VPS26B: variants seen among roughly 807,000 people sequenced by gnomAD.
VPS26B encodes the protein VPS26 retromer complex component B, also known as vacuolar protein sorting-associated protein 26B.
In VPS26B, 10 loss-of-function variants were observed where a neutral mutation model predicts 33.3. The ratio of observed to expected loss-of-function variants is 0.30; its 90% CI spans 0.19 to 0.51. The LOEUF (loss-of-function observed/expected upper bound fraction) is 0.51. Ranked by LOEUF, VPS26B falls within the 20% of genes least tolerant of loss-of-function variation. VPS26B has a pLI of 0.98. For missense variants in VPS26B, 317 were observed against 452.7 expected (o/e 0.70, Z 2.72); for synonymous variants, 190 against 176.9 (o/e 1.07, Z -0.59).
intron 1 of VPS26B, 40 bp from the exon 2 acceptor site, chr11:134,234,857 G>A (rs1209867908): frequency 1.2e-6 from 2 of 1,601,934 alleles, no homozygotes; most frequent in Non-Finnish European, 1.7e-6. Context: ...GTAGCTCAGG[G>A]TCTGATAAAG....
intron 3 of VPS26B, among the ~76,000 whole-genome samples, chr11:134,241,442 C>T (rs374316315): frequency 3.9e-5 from 6 of 152,330 alleles, no homozygotes; most frequent in East Asian, 3.9e-4. Context: ...GGCTCTGCCT[C>T]GCCTAAGCCC....
intron 1 of VPS26B, 135 bp downstream of exon 1, chr11:134,225,480 A>T (rs1282082082): frequency 2.3e-6 from 2 of 883,286 alleles, no homozygotes; most frequent in Admixed American, 2.1e-5. Flanking sequence ...GGGTTCAGCT[A>T]CAAGTCCCGC....
rs1324001912 is a variant in VPS26B, at chr11:134,245,886, G to C, written c.*296G>C. On this transcript the variant is annotated 3_prime_UTR_variant, in exon 6 of 6. Transcript: ENST00000281187. This position sits in a 1 kb window ranked among gnomAD's most constrained non-coding sequence, Gnocchi z 4.7. ...CCTCGGGGGGCTGCCTTGCGTCTTAGAGGAGGGAGAGCAGAGAGCACGCAT... is the reference window on the plus strand; with the variant it reads ...CCTCGGGGGGCTGCCTTGCGTCTTACAGGAGGGAGAGCAGAGAGCACGCAT... The C allele has an allele frequency of 5.2e-6, 2 of 385,454 alleles. No individual in the cohort carries two copies. Among genetic ancestry groups the C allele is most frequent in the African/African-American group, 2.0e-5 (1 of 49,756 alleles). 23.9% of individuals were successfully genotyped at this position (385,454 alleles called of 1,614,324 possible). A position where few individuals can be genotyped will look rare whatever the true frequency, so the allele number is the denominator to read the frequency against.
Position 134,240,252 on chromosome 11 carries a change from T to G in VPS26B, c.545+97T>G, listed in dbSNP as rs766985882. 9 of 1,390,168 alleles carry G rather than the reference T, an allele frequency of 6.5e-6. No individual in the cohort carries two copies. The highest frequency in any genetic ancestry group is 9.0e-6 in the Non-Finnish European group (9 of 999,724). 86.1% of individuals were successfully genotyped at this position (1,390,168 alleles called of 1,614,324 possible). ...AACTGATGACCCTCTGTGACTCGACTGCTTTGTGGTGGCATGCGGTGGGGG... is the reference window on the plus strand; with the variant it reads ...AACTGATGACCCTCTGTGACTCGACGGCTTTGTGGTGGCATGCGGTGGGGG... On this transcript the variant is annotated intron_variant, in intron 3 of 5. Coordinates refer to ENST00000281187, the MANE Select transcript of VPS26B (RefSeq NM_052875.5). This position sits in a 1 kb window ranked among gnomAD's most constrained non-coding sequence, Gnocchi z 4.4.
intron 1 of VPS26B, 75 bp downstream of exon 1, chr11:134,225,420 C>A (rs761712816): frequency 6.8e-7 from 1 of 1,463,838 alleles, no homozygotes; most frequent in Middle Eastern, 1.7e-4. Flanking sequence ...GGGCCCAGCT[C>A]CTCCGGCGAG....
chr11:134,225,741 C>T (rs1211033720), intron 1 of VPS26B, among the ~76,000 whole-genome samples: 4 of 152,212 alleles, frequency 2.6e-5, no homozygotes, highest in Non-Finnish European at 5.9e-5. Flanking sequence ...TCTGCCAATA[C>T]TGGCTTTCCC....
At chr11:134,232,108 A>G (rs566529835) in intron 1 of VPS26B, among the ~76,000 whole-genome samples, 2 of 152,372 alleles carry the variant, frequency 1.3e-5, no homozygotes, top group East Asian at 3.9e-4. Flanking sequence ...GAAGGAAACC[A>G]AAGACAGGAT....
chr11:134,245,730 A>G lies in VPS26B; in HGVS notation c.*140A>G. The G allele has an allele frequency of 8.2e-7, 1 of 1,219,166 alleles. No homozygotes were observed. The highest frequency in any genetic ancestry group is 1.1e-6 in the Non-Finnish European group (1 of 901,104). 75.5% of individuals were successfully genotyped at this position (1,219,166 alleles called of 1,614,324 possible). ...TGAAAACAAATCATGTTTTTGACTT[A>G]AATTCTTTTCTCTGGAGAACCCAAG... On this transcript the variant is annotated 3_prime_UTR_variant, in exon 6 of 6. Transcript: ENST00000281187. This position sits in a 1 kb window ranked among gnomAD's most constrained non-coding sequence, Gnocchi z 4.7.
At chr11:134,236,170 T>A (rs1262929217) in intron 2 of VPS26B, among the ~76,000 whole-genome samples, 1 of 151,994 alleles carries the variant, frequency 6.6e-6, no homozygotes, top group Non-Finnish European at 1.5e-5. Flanking sequence ...TTTTTTAATT[T>A]TTTTAAAAGA....
At chr11:134,225,467 C>G (rs760523090) in intron 1 of VPS26B, 122 bp downstream of exon 1, 1 of 998,226 alleles carries the variant, frequency 1.0e-6, no homozygotes, top group Admixed American at 2.0e-5. Context: ...AGTCTGAGGC[C>G]TGGGGTTCAG....
At chr11:134,231,071 T>A (rs886247637) in intron 1 of VPS26B, among the ~76,000 whole-genome samples, 9 of 152,174 alleles carry the variant, frequency 5.9e-5, no homozygotes, top group African/African-American at 2.2e-4. Flanking sequence ...TGAGCTGGAA[T>A]CCTTTGGGGA....
chr11:134,243,667 G>A (rs894329980), intron 4 of VPS26B: 1 of 190,250 alleles, frequency 5.3e-6, no homozygotes, highest in Non-Finnish European at 1.1e-5. Context: ...AGCAAGGGAT[G>A]CATGCACAGC....
intron 1 of VPS26B, among the ~76,000 whole-genome samples, chr11:134,233,913 G>A (rs556143147): frequency 3.5e-4 from 53 of 151,354 alleles, no homozygotes; most frequent in Non-Finnish European, 6.9e-4. Context: ...CAAATGGGTG[G>A]CATGAACTTA....
Position 134,247,702 on chromosome 11 carries a change from C to G in VPS26B, c.*2112C>G, listed in dbSNP as rs1786357190. ...TCTTAATGTGTCATCTTTTCAATGG[C>G]TGTATTAAAAGAAGAACGTTTGTTT... On this transcript the variant is annotated 3_prime_UTR_variant, in exon 6 of 6. Coordinates refer to ENST00000281187, the MANE Select transcript of VPS26B (RefSeq NM_052875.5). 6.5e-6 allele frequency: 1 copy of G among 153,938 alleles called. No individual in the cohort carries two copies. Among genetic ancestry groups the G allele is most frequent in the Admixed American group, 6.5e-5 (1 of 15,496 alleles). 9.5% of individuals were successfully genotyped at this position (153,938 alleles called of 1,614,324 possible).
Position 134,225,108 on chromosome 11 carries a change from C to G in VPS26B, c.-15C>G, listed in dbSNP as rs941672157. 4 of 1,588,368 alleles carry G rather than the reference C, an allele frequency of 2.5e-6. No homozygotes were observed. Among genetic ancestry groups the G allele is most frequent in the South Asian group, 2.2e-5 (2 of 88,968 alleles). On this transcript the variant is annotated 5_prime_UTR_variant, in exon 1 of 6. Coordinates refer to ENST00000281187, the MANE Select transcript of VPS26B (RefSeq NM_052875.5). ...GGAGCGGTCCTTACCGAGACCCGCCCGGCCCGGCGGTGCGATGAGCTTCTT... is the reference window on the plus strand; with the variant it reads ...GGAGCGGTCCTTACCGAGACCCGCCGGGCCCGGCGGTGCGATGAGCTTCTT...
At chr11:134,243,009 G>T (rs1043900031) in intron 3 of VPS26B, 110 bp from the exon 4 acceptor site, 1 of 1,070,674 alleles carries the variant, frequency 9.3e-7, no homozygotes, top group Non-Finnish European at 1.4e-6. Context: ...AGTGTGTCCT[G>T]CAACTGGACG....
Position 134,245,960 on chromosome 11 carries a change from C to A in VPS26B, c.*370C>A, listed in dbSNP as rs1026432269. Reference sequence around the variant, plus strand: ...TTCCTGATACAGGATCTGAGCATGTCCCTGGGATTCTGAGCTGCCAACAGG... The same window carrying A: ...TTCCTGATACAGGATCTGAGCATGTACCTGGGATTCTGAGCTGCCAACAGG... On this transcript the variant is annotated 3_prime_UTR_variant, in exon 6 of 6. Coordinates refer to ENST00000281187, the MANE Select transcript of VPS26B (RefSeq NM_052875.5). The surrounding 1 kb of genome is among the most constrained non-coding windows in gnomAD (Gnocchi z 4.7). 3.4e-5 allele frequency: 7 copies of A among 205,482 alleles called. No individual in the cohort carries two copies. Among genetic ancestry groups the A allele is most frequent in the South Asian group, 3.1e-4 (3 of 9,676 alleles). The allele number at this position is 205,482 out of a possible 1,614,324, so 12.7% of individuals were successfully genotyped here.
Position 134,244,968 on chromosome 11 carries a change from C to T in VPS26B, c.752C>T (p.Ala251Val), listed in dbSNP as rs759419191. 4 of 1,613,982 alleles carry T rather than the reference C, an allele frequency of 2.5e-6. No individual in the cohort carries two copies. In the South Asian group the frequency reaches 4.4e-5, roughly 18 times the overall value. Residue 251 changes from alanine (A) to valine (V), a missense_variant, in exon 5 of 6, where the codon GCC becomes GTC. Physicochemically the swap from Ala to Val is moderately conservative, Grantham distance 64. Coordinates refer to ENST00000281187, the MANE Select transcript of VPS26B (RefSeq NM_052875.5). The surrounding 1 kb of genome is among the most constrained non-coding windows in gnomAD (Gnocchi z 4.0). The stretch of plus-strand genomic sequence containing the variant: ...TCCATCCCGATCCGGCTCTTCCTGG[C>T]CGGGTATGAGCTCACGCCCACCATG... ...GESIPIRLFL[A>V]GYELTPTMRD...
At chr11:134,239,863 G>C (rs1318866388) in intron 2 of VPS26B, 128 bp from the exon 3 acceptor site, 1 of 986,762 alleles carries the variant, frequency 1.0e-6, no homozygotes, top group African/African-American at 1.6e-5. Context: ...CTTCTTAAAA[G>C]GATACAAAGC....
Sources: gnomAD v4.1 joint callset for allele counts (sites outside exome capture counted in the v4.1 genomes callset) on GRCh38, gnomAD v4.1.1 for gene constraint, Gnocchi (gnomAD v3.1) non-coding constraint, MANE v1.5 for transcripts, NCBI Gene and HGNC (gene_info 2026-07-23, HGNC 2026-07-21) for gene names.